The following TMOD1 variants were observed in gnomAD, a reference collection of about 807,000 sequenced individuals.
TMOD1 encodes the protein tropomodulin 1, also known as tropomodulin-1.
Under a neutral mutation model 40.6 loss-of-function variants are expected in TMOD1, and 17 were observed. That is an observed-to-expected ratio of 0.42 (90% confidence interval 0.29 to 0.63). The LOEUF is 0.63. TMOD1 is among the 20% of genes least tolerant of loss of function. The pLI, the probability that TMOD1 is intolerant of heterozygous loss-of-function variation, is 0.22. For missense variants in TMOD1, 391 were observed against 447.6 expected (o/e 0.87, Z 1.14); for synonymous variants, 181 against 175.0 (o/e 1.03, Z -0.27).
In TMOD1 at chr9:97,600,153, C is replaced by T; in HGVS notation, c.*455C>T. ...TTAGCAAATAAAACTGATTATCATT[C>T]TTTATTAACCCTCCTTGGAATTTTG... On this transcript the variant is annotated 3_prime_UTR_variant, in exon 10 of 10. Coordinates refer to ENST00000259365, the MANE Select transcript of TMOD1 (RefSeq NM_003275.4). 1.0e-6 allele frequency: 1 copy of T among 1,000,942 alleles called. No individual in the cohort carries two copies. The highest frequency in any genetic ancestry group is 4.3e-5 in the South Asian group (1 of 23,156). 62.0% of individuals were successfully genotyped at this position (1,000,942 alleles called of 1,614,324 possible). A position where few individuals can be genotyped will look rare whatever the true frequency, so the allele number is the denominator to read the frequency against.
chr9:97,568,784 G>A, intron 7 of TMOD1, 110 bp from the exon 8 acceptor site: 1 of 1,296,032 alleles, frequency 7.7e-7, no homozygotes, highest in Non-Finnish European at 1.1e-6. Flanking sequence ...TGAAGGACAT[G>A]GTGGAGATCA....
intron 2 of TMOD1, among the ~76,000 whole-genome samples, chr9:97,534,315 T>G (rs549870222): frequency 6.6e-6 from 1 of 152,340 alleles, no homozygotes; most frequent in South Asian, 2.1e-4. Flanking sequence ...CCTGATGTTC[T>G]ACTCTGCTGA....
chr9:97,553,508 C>T (rs972649866), intron 4 of TMOD1, 108 bp downstream of exon 4: 1 of 1,450,312 alleles, frequency 6.9e-7, no homozygotes, highest in Non-Finnish European at 9.5e-7. Flanking sequence ...CTATTTCTAA[C>T]AAGAACTAGA....
intron 8 of TMOD1, among the ~76,000 whole-genome samples, chr9:97,579,224 G>A (rs1282988871): frequency 6.6e-6 from 1 of 152,166 alleles, no homozygotes; most frequent in Non-Finnish European, 1.5e-5. Context: ...ATTCGTGCTT[G>A]TCCATTTGGA....
chr9:97,599,703 T>G lies in TMOD1; in HGVS notation c.*5T>G. ...AAGTGCCGGAGTGGTGTCTAGTGTG[T>G]GGCGGTGGAGTCCATGCCTTTGAAC... On this transcript the variant is annotated 3_prime_UTR_variant, in exon 10 of 10. Transcript: ENST00000259365. 1 of 1,614,156 alleles carries G rather than the reference T, an allele frequency of 6.2e-7. No homozygotes were observed. The highest frequency in any genetic ancestry group is 8.5e-7 in the Non-Finnish European group (1 of 1,180,026).
chr9:97,592,650 C>G (rs142027900), intron 9 of TMOD1, among the ~76,000 whole-genome samples: 58 of 152,250 alleles, frequency 3.8e-4, no homozygotes, highest in African/African-American at 1.3e-3. Flanking sequence ...TGGAAGCCCT[C>G]GAAGAACAGA....
chr9:97,578,292 A>T (rs1825657786), intron 8 of TMOD1, among the ~76,000 whole-genome samples: 1 of 152,144 alleles, frequency 6.6e-6, no homozygotes, highest in Admixed American at 6.5e-5. Flanking sequence ...TGACCTCGTG[A>T]TCCGCCCGCC....
chr9:97,556,409 G>C (rs1005429436), intron 4 of TMOD1, among the ~76,000 whole-genome samples: 2 of 152,196 alleles, frequency 1.3e-5, no homozygotes, highest in Non-Finnish European at 2.9e-5. Flanking sequence ...ACCAGAGAGT[G>C]GTGGGTGGTT....
At chr9:97,504,769 GAT>G (rs1331305261) in intron 1 of TMOD1, among the ~76,000 whole-genome samples, 12 of 152,244 alleles carry the variant, frequency 7.9e-5, no homozygotes, top group Admixed American at 7.2e-4. Flanking sequence ...ATCATCTATC[GAT>G]GACTCCTGCT....
chr9:97,536,715 CT>C (rs1217244190), intron 2 of TMOD1, among the ~76,000 whole-genome samples: 1 of 152,134 alleles, frequency 6.6e-6, no homozygotes, highest in African/African-American at 2.4e-5. Flanking sequence ...AGTGAGGCCC[CT>C]CCCTTCCCCG....
chr9:97,559,785 A>C (rs1332023159), intron 4 of TMOD1, among the ~76,000 whole-genome samples: 1 of 58,158 alleles, frequency 1.7e-5, no homozygotes, highest in Non-Finnish European at 3.0e-5. Flanking sequence ...AAAAAAAAAA[A>C]AAAAAAAAAA....
At chr9:97,577,124 C>A (rs1269898736) in intron 8 of TMOD1, among the ~76,000 whole-genome samples, 1 of 152,216 alleles carries the variant, frequency 6.6e-6, no homozygotes, top group East Asian at 1.9e-4. Flanking sequence ...CCCAACCATC[C>A]TGTCCCTGGC....
chr9:97,570,173 C>G (rs948312115), intron 8 of TMOD1, among the ~76,000 whole-genome samples: 8 of 152,204 alleles, frequency 5.3e-5, no homozygotes, highest in Non-Finnish European at 1.0e-4. Flanking sequence ...TAACCCCTGT[C>G]CAGGTCAAGA....
At chr9:97,565,249 G>C (rs1284128322) in intron 6 of TMOD1, among the ~76,000 whole-genome samples, 3 of 152,192 alleles carry the variant, frequency 2.0e-5, no homozygotes, top group Non-Finnish European at 4.4e-5. Flanking sequence ...TTTCACCTGA[G>C]AAGATTAAAA....
chr9:97,537,074 C>T (rs1043581318), intron 2 of TMOD1, among the ~76,000 whole-genome samples: 3 of 152,168 alleles, frequency 2.0e-5, no homozygotes, highest in Admixed American at 6.5e-5. Flanking sequence ...GCTCAGGCTT[C>T]CCAGCTATGA....
chr9:97,559,792 AAAATATAT>A (rs1438957233), intron 4 of TMOD1, among the ~76,000 whole-genome samples: 1 of 35,088 alleles, frequency 2.8e-5, no homozygotes, highest in Non-Finnish European at 4.8e-5. Context: ...AAAAAAAAAA[AAAATATAT>A]ATATATATAT....
chr9:97,583,000 C>T (rs1161864871), intron 8 of TMOD1, among the ~76,000 whole-genome samples: 1 of 151,060 alleles, frequency 6.6e-6, no homozygotes, highest in Non-Finnish European at 1.5e-5. Flanking sequence ...ATTTCCTTCT[C>T]CTGTCTAATT....
At chr9:97,587,423 A>G (rs760995041) in intron 8 of TMOD1, among the ~76,000 whole-genome samples, 7 of 152,164 alleles carry the variant, frequency 4.6e-5, no homozygotes, top group Non-Finnish European at 8.8e-5. Context: ...TTTGATAGGT[A>G]TGTAGTGATA....
chr9:97,509,026 A>T (rs115710938), intron 1 of TMOD1, among the ~76,000 whole-genome samples: 1,710 of 152,252 alleles, frequency 0.011, 35 homozygotes, highest in African/African-American at 0.039. Flanking sequence ...ACTGTCAGGG[A>T]TGGCCAGCAG....
Sources: allele counts gnomAD v4.1 joint callset (sites outside exome capture counted in the v4.1 genomes callset), GRCh38; gene constraint gnomAD v4.1.1; transcripts MANE v1.5; gene names NCBI Gene and HGNC (gene_info 2026-07-23, HGNC 2026-07-21).